Variants in METTL15 observed in about 807,000 individuals in gnomAD.
The protein encoded by METTL15 is methyltransferase 15, mitochondrial 12S rRNA N4-cytidine, also known as 12S rRNA N(4)-cytidine methyltransferase METTL15.
METTL15 carries 34 observed loss-of-function variants against 38.3 expected under a neutral mutation model. The ratio of observed to expected loss-of-function variants is 0.89; its 90% CI spans 0.68 to 1.18. The LOEUF (loss-of-function observed/expected upper bound fraction) is 1.18, where lower values mean the gene tolerates loss of function less well. Ranked by LOEUF, METTL15 falls within the 50% of genes most tolerant of loss-of-function variation. The pLI, the probability that METTL15 is intolerant of heterozygous loss-of-function variation, is 0.00. For missense variants in METTL15, 438 were observed against 498.4 expected (o/e 0.88, Z 1.15); for synonymous variants, 162 against 170.9 (o/e 0.95, Z 0.41).
At chr11:28,186,395 T>C (rs960905492) in intron 3 of METTL15, among the ~76,000 whole-genome samples, 2 of 151,374 alleles carry the variant, frequency 1.3e-5, no homozygotes, top group African/African-American at 4.8e-5. Flanking sequence ...AATTTTTTTG[T>C]ATATATCTTA....
chr11:28,393,176 T>C (rs1244762246), intron 5 of METTL15, among the ~76,000 whole-genome samples: 2 of 152,118 alleles, frequency 1.3e-5, no homozygotes, highest in African/African-American at 2.4e-5. Context: ...CTTTTGAATA[T>C]ACATTTAAGG....
chr11:28,147,985 TA>T (rs1849946769), intron 3 of METTL15, among the ~76,000 whole-genome samples: 1 of 151,870 alleles, frequency 6.6e-6, no homozygotes, highest in Admixed American at 6.6e-5. Flanking sequence ...AGTTAGAGTC[TA>T]AATCTTTCTG....
chr11:28,116,968 TA>T (rs1184465667), intron 3 of METTL15, among the ~76,000 whole-genome samples: 2 of 152,054 alleles, frequency 1.3e-5, no homozygotes, highest in Non-Finnish European at 2.9e-5. Flanking sequence ...TTTACGTGTA[TA>T]AAGTATTTAG....
intron 3 of METTL15, among the ~76,000 whole-genome samples, chr11:28,139,056 C>T (rs1257772934): frequency 2.0e-5 from 3 of 152,156 alleles, no homozygotes; most frequent in Non-Finnish European, 2.9e-5. Flanking sequence ...GGCCCGAAGT[C>T]CAGCTGTTAA....
At chr11:28,396,773 T>C (rs1286156062) in intron 5 of METTL15, among the ~76,000 whole-genome samples, 4 of 151,974 alleles carry the variant, frequency 2.6e-5, no homozygotes, top group Admixed American at 6.6e-5. Context: ...AAAAGAGCCC[T>C]CATTGCCAAG....
intron 3 of METTL15, among the ~76,000 whole-genome samples, chr11:28,121,300 A>G (rs182214950): frequency 2.0e-5 from 3 of 152,242 alleles, no homozygotes; most frequent in East Asian, 3.9e-4. Flanking sequence ...GGCAATAAAT[A>G]TTTATTTTAA....
At chr11:28,528,229 A>G (rs924301396), downstream of METTL15, among the ~76,000 whole-genome samples, 5 of 152,302 alleles carry the variant, frequency 3.3e-5, no homozygotes, top group East Asian at 9.6e-4. Context: ...AAGCCCTTGT[A>G]ATAATGTACT....
At chr11:28,398,336 C>G (rs1850595384) in intron 5 of METTL15, among the ~76,000 whole-genome samples, 1 of 152,046 alleles carries the variant, frequency 6.6e-6, no homozygotes, top group African/African-American at 2.4e-5. Flanking sequence ...TCTTCAGCAT[C>G]TGTTGTTTCC....
chr11:28,314,648 TATCCC>T (rs1857418383), intron 6 of METTL15, among the ~76,000 whole-genome samples: 1 of 152,194 alleles, frequency 6.6e-6, no homozygotes, highest in Non-Finnish European at 1.5e-5. Flanking sequence ...CAATTTCAGG[TATCCC>T]ATCTATGCTG....
At chr11:28,484,271 T>C (rs1205364404) in intron 6 of METTL15, among the ~76,000 whole-genome samples, 2 of 152,184 alleles carry the variant, frequency 1.3e-5, no homozygotes, top group Non-Finnish European at 2.9e-5. Context: ...GGCACAGAAG[T>C]TGAGTAATTT....
chr11:28,190,436 C>T (rs998989798), intron 3 of METTL15, among the ~76,000 whole-genome samples: 11 of 151,068 alleles, frequency 7.3e-5, no homozygotes, highest in African/African-American at 2.2e-4. Context: ...TTCAAGACTA[C>T]GTAACTCTAT....
chr11:28,342,373 C>A (rs1849960372), intron 3 of METTL15, among the ~76,000 whole-genome samples: 1 of 152,066 alleles, frequency 6.6e-6, no homozygotes, highest in Non-Finnish European at 1.5e-5. Context: ...AGTGGTCCTC[C>A]CATCTCGGCC....
chr11:28,311,487 A>T lies in METTL15; in HGVS notation c.778+14556A>T, dbSNP rs576141140. Among the ~76,000 whole-genome samples, 8 of 152,284 alleles carry T rather than the reference A, an allele frequency of 5.3e-5. No homozygotes were observed. The South Asian group carries it at 1.7e-3, about 32-fold the overall frequency. On this transcript the variant is annotated intron_variant, in intron 6 of 6. Coordinates refer to ENST00000407364, the MANE Select transcript of METTL15 (RefSeq NM_001113528.2). ...TGCTTCATTATACTTTGTCTACCTT[A>T]TGAACTGTGTGAGCTCTTCAAGGAT...
At chr11:28,222,816 T>A (rs1853302189) in intron 4 of METTL15, among the ~76,000 whole-genome samples, 1 of 152,034 alleles carries the variant, frequency 6.6e-6, no homozygotes, top group Non-Finnish European at 1.5e-5. Context: ...ATTTGAAAAA[T>A]AAATGTTAGT....
At chr11:28,454,544 T>C (rs1851151710) in intron 6 of METTL15, among the ~76,000 whole-genome samples, 1 of 152,204 alleles carries the variant, frequency 6.6e-6, no homozygotes, top group Non-Finnish European at 1.5e-5. Context: ...CTCTACATTA[T>C]ACCAGAAATT....
downstream of METTL15, among the ~76,000 whole-genome samples, chr11:28,338,334 T>G (rs1485581354): frequency 6.6e-6 from 1 of 152,186 alleles, no homozygotes; most frequent in African/African-American, 2.4e-5. Context: ...TTCTAGGGTA[T>G]TCTTTATAGA....
intron 3 of METTL15, among the ~76,000 whole-genome samples, chr11:28,194,825 G>A (rs922183427): frequency 6.8e-6 from 1 of 147,384 alleles, no homozygotes; most frequent in Admixed American, 6.8e-5. Context: ...GCCCCAATAG[G>A]TTTTTTTTTT....
intron 3 of METTL15, among the ~76,000 whole-genome samples, chr11:28,173,314 GTACC>G (rs1427049446): frequency 6.6e-6 from 1 of 152,094 alleles, no homozygotes; most frequent in Non-Finnish European, 1.5e-5. Flanking sequence ...AAGGGGAAGA[GTACC>G]CTCTAAGAAT....
At chr11:28,317,192 G>C (rs1857511035) in intron 6 of METTL15, among the ~76,000 whole-genome samples, 1 of 151,984 alleles carries the variant, frequency 6.6e-6, no homozygotes, top group South Asian at 2.1e-4. Context: ...GTTGTCATCA[G>C]ACTTAACCTG....
Sources: gnomAD v4.1 joint callset for allele counts (sites outside exome capture counted in the v4.1 genomes callset) on GRCh38, gnomAD v4.1.1 for gene constraint, MANE v1.5 for transcripts, NCBI Gene and HGNC (gene_info 2026-07-23, HGNC 2026-07-21) for gene names.